Variants in PTPRD observed in about 807,000 individuals in gnomAD.
PTPRD encodes receptor-type tyrosine-protein phosphatase delta.
A neutral mutation model predicts 214.5 loss-of-function variants in PTPRD; 34 were observed. The ratio of observed to expected loss-of-function variants is 0.16; its 90% CI spans 0.12 to 0.21. The LOEUF is 0.21. PTPRD is among the 10% of genes least tolerant of loss of function. PTPRD has a pLI of 1.00. For synonymous variants in PTPRD, 1,128 were observed against 845.7 expected (o/e 1.33, Z -5.79); for missense variants, 2,545 against 2,398.7 (o/e 1.06, Z -1.27).
At chr9:10,234,208 A>G (rs1564692270) in intron 3 of PTPRD, among the ~76,000 whole-genome samples, 2 of 151,830 alleles carry the variant, frequency 1.3e-5, no homozygotes, top group East Asian at 2.0e-4. Flanking sequence ...CTCAAAAATT[A>G]ATTAATTAAT....
At position 9,227,640 on chromosome 9, in the gene PTPRD, A is replaced by G. The variant is rs183567891; in HGVS notation, c.-202-44277T>C. Among the ~76,000 whole-genome samples the G allele has an allele frequency of 1.8e-3, 278 of 152,270 alleles. 1 individual carries two copies. The highest frequency in any genetic ancestry group is 6.5e-3 in the African/African-American group (270 of 41,576). ...GGAGAACAGGCCATAAAAAGATATC[A>G]CAACTTCTTTGTAGTTCTTTCCTTC... On this transcript the variant is annotated intron_variant, in intron 9 of 45. Transcript: ENST00000381196.
intron 14 of PTPRD, among the ~76,000 whole-genome samples, chr9:8,597,675 T>G (rs2094548364): frequency 6.6e-6 from 1 of 152,194 alleles, no homozygotes; most frequent in Admixed American, 6.5e-5. Context: ...TGCTCACTGA[T>G]GTTCCCAAGG....
chr9:10,037,459 C>T (rs901198127), intron 3 of PTPRD, among the ~76,000 whole-genome samples: 1 of 152,024 alleles, frequency 6.6e-6, no homozygotes, highest in Admixed American at 6.6e-5. Flanking sequence ...TCACCTTCTG[C>T]CATGAGTAAA....
At position 8,417,421 on chromosome 9, in the gene PTPRD, G is replaced by T. The variant is rs142477122; in HGVS notation, c.4087-12761C>A. 5.1e-4 allele frequency among the ~76,000 whole-genome samples: 78 copies of T among 152,156 alleles called. 3 individuals are homozygous for T. In the East Asian group the frequency reaches 8.7e-3, roughly 17 times the overall value. ...ATGCAGCAAAGGGTAGAGCTGTATT[G>T]GCAGAAACTACTAAGAATGGTGAGA... is the stretch of plus-strand genomic sequence containing the variant. On this transcript the variant is annotated intron_variant, in intron 35 of 45. Coordinates refer to ENST00000381196, the MANE Select transcript of PTPRD (RefSeq NM_002839.4).
chr9:10,254,640 G>T (rs2093086412), intron 3 of PTPRD, among the ~76,000 whole-genome samples: 1 of 152,106 alleles, frequency 6.6e-6, no homozygotes, highest in Admixed American at 6.5e-5. Context: ...TACAAATAGA[G>T]TAAAAGATTC....
chr9:8,936,380 T>A (rs947952203), intron 11 of PTPRD, among the ~76,000 whole-genome samples: 2 of 122,824 alleles, frequency 1.6e-5, no homozygotes, highest in Non-Finnish European at 3.2e-5. Context: ...TGAGCCTAGA[T>A]TGCACCACTG....
intron 10 of PTPRD, among the ~76,000 whole-genome samples, chr9:9,034,607 G>A (rs922867324): frequency 5.9e-5 from 9 of 152,026 alleles, no homozygotes; most frequent in Admixed American, 1.3e-4. Flanking sequence ...CAGTGGTGAC[G>A]GCCTTTTCTT....
At chr9:9,520,251 T>C (rs926933905) in intron 8 of PTPRD, among the ~76,000 whole-genome samples, 4 of 147,842 alleles carry the variant, frequency 2.7e-5, no homozygotes, top group African/African-American at 5.0e-5. Context: ...AATGTAAAAA[T>C]AGACTCCTAA....
intron 12 of PTPRD, among the ~76,000 whole-genome samples, chr9:8,658,013 T>A (rs2096949286): frequency 6.6e-6 from 1 of 152,212 alleles, no homozygotes; most frequent in Admixed American, 6.5e-5. Flanking sequence ...AAAATATTGC[T>A]TGTCTTTTTA....
intron 2 of PTPRD, among the ~76,000 whole-genome samples, chr9:10,440,499 T>C (rs2098751473): frequency 6.6e-6 from 1 of 151,332 alleles, no homozygotes; most frequent in Admixed American, 6.6e-5. Context: ...GAGATTTGAG[T>C]GGAGATAAAT....
intron 5 of PTPRD, among the ~76,000 whole-genome samples, chr9:9,784,981 T>C (rs1012589682): frequency 6.6e-6 from 1 of 151,506 alleles, no homozygotes; most frequent in African/African-American, 2.4e-5. Context: ...TGAATATAAC[T>C]GCTTTCACCA....
At chr9:8,510,983 T>C (rs2097667250) in intron 21 of PTPRD, among the ~76,000 whole-genome samples, 2 of 152,136 alleles carry the variant, frequency 1.3e-5, no homozygotes, top group Non-Finnish European at 2.9e-5. Context: ...AGAGGTTCCA[T>C]TTCACATTTC....
intron 35 of PTPRD, among the ~76,000 whole-genome samples, chr9:8,432,360 C>G (rs1199035365): frequency 6.6e-6 from 1 of 152,206 alleles, no homozygotes; most frequent in Non-Finnish European, 1.5e-5. Flanking sequence ...ACTAAATTCA[C>G]TGTTGGAGTT....
chr9:9,579,273 T>A (rs2090009665), intron 7 of PTPRD, among the ~76,000 whole-genome samples: 1 of 152,008 alleles, frequency 6.6e-6, no homozygotes, highest in South Asian at 2.1e-4. Flanking sequence ...AAGAAGTGTG[T>A]CAAAGTCTTT....
At chr9:10,428,566 G>A (rs1177467611) in intron 2 of PTPRD, among the ~76,000 whole-genome samples, 2 of 151,960 alleles carry the variant, frequency 1.3e-5, no homozygotes, top group Non-Finnish European at 2.9e-5. Context: ...AATAAGCCTT[G>A]ACAACTCAAC....
At chr9:9,611,499 T>C (rs1290369398) in intron 7 of PTPRD, among the ~76,000 whole-genome samples, 1 of 152,140 alleles carries the variant, frequency 6.6e-6, no homozygotes, top group African/African-American at 2.4e-5. Flanking sequence ...GGAAATACTG[T>C]TATTCTAAAA....
intron 6 of PTPRD, among the ~76,000 whole-genome samples, chr9:9,736,065 C>T (rs986880908): frequency 6.6e-6 from 1 of 152,012 alleles, no homozygotes; most frequent in African/African-American, 2.4e-5. Context: ...TGTAATCATG[C>T]TGCATTAATG....
chr9:8,337,299 T>A (rs1198220032), intron 43 of PTPRD, among the ~76,000 whole-genome samples: 1 of 152,158 alleles, frequency 6.6e-6, no homozygotes, highest in Non-Finnish European at 1.5e-5. Flanking sequence ...TGAGTTCATG[T>A]CCTTTGCAGG....
At chr9:8,502,123 C>A (rs1191529562) in intron 23 of PTPRD, among the ~76,000 whole-genome samples, 2 of 151,916 alleles carry the variant, frequency 1.3e-5, no homozygotes, top group Non-Finnish European at 2.9e-5. Flanking sequence ...ACTTTCTGAG[C>A]AATCATTTTC....
Sources: allele counts gnomAD v4.1 joint callset (sites outside exome capture counted in the v4.1 genomes callset), GRCh38; gene constraint gnomAD v4.1.1; transcripts MANE v1.5; gene names NCBI Gene and HGNC (gene_info 2026-07-23, HGNC 2026-07-21).